Variants in CNTN4 observed in about 807,000 individuals in gnomAD.
The protein encoded by CNTN4 is contactin-4.
Under a neutral mutation model 122.5 loss-of-function variants are expected in CNTN4, and 77 were observed. The ratio of observed to expected loss-of-function variants is 0.63; its 90% CI spans 0.52 to 0.76. The LOEUF (loss-of-function observed/expected upper bound fraction) is 0.76, where lower values mean the gene tolerates loss of function less well. Ranked by LOEUF, CNTN4 falls within the 30% of genes least tolerant of loss-of-function variation. CNTN4 has a pLI of 0.00. For synonymous variants in CNTN4, 512 were observed against 447.0 expected, an observed-to-expected ratio of 1.15 and a Z score of -1.83; for missense variants, 1,256 against 1,259.1, an observed-to-expected ratio of 1.00 and a Z score of 0.04.
chr3:2,435,622 C>G (rs994365068), intron 3 of CNTN4, among the ~76,000 whole-genome samples: 3 of 152,142 alleles, frequency 2.0e-5, no homozygotes, highest in Admixed American at 6.6e-5. Context: ...TTTAGTTACT[C>G]ATCTTCTTAG....
At chr3:2,195,876 A>G (rs1023063914) in intron 2 of CNTN4, among the ~76,000 whole-genome samples, 2 of 152,206 alleles carry the variant, frequency 1.3e-5, no homozygotes, top group Admixed American at 1.3e-4. Flanking sequence ...ATGGAATTAC[A>G]TTCTTGGCAG....
At chr3:2,513,452 T>G (rs1381315105) in intron 3 of CNTN4, among the ~76,000 whole-genome samples, 1 of 152,184 alleles carries the variant, frequency 6.6e-6, no homozygotes, top group Non-Finnish European at 1.5e-5. Flanking sequence ...ATGCTTAATT[T>G]GTATCTACTT....
chr3:2,673,536 T>A (rs1026553638), intron 4 of CNTN4, among the ~76,000 whole-genome samples: 36 of 152,050 alleles, frequency 2.4e-4, no homozygotes, highest in African/African-American at 8.4e-4. Flanking sequence ...TGAGGCTCAG[T>A]TTTTTGTTTT....
intron 3 of CNTN4, among the ~76,000 whole-genome samples, chr3:2,537,462 G>C (rs1179021402): frequency 6.6e-6 from 1 of 152,138 alleles, no homozygotes; most frequent in African/African-American, 2.4e-5. Flanking sequence ...TGTCTTTTAA[G>C]TGTTAGGTGT....
intron 5 of CNTN4, 65 bp downstream of exon 5, chr3:2,736,406 T>G: frequency 7.6e-7 from 1 of 1,311,972 alleles, no homozygotes; most frequent in Non-Finnish European, 1.1e-6. Context: ...CAACAAATAC[T>G]TATACAATGC....
intron 7 of CNTN4, among the ~76,000 whole-genome samples, chr3:2,834,776 ATACAAAATACCTAGAC>A: frequency 6.6e-6 from 1 of 152,256 alleles, no homozygotes; most frequent in East Asian, 1.9e-4. Context: ...AAATGCAATG[ATACAAAATACCTAGAC>A]TACCAACAAA....
intron 3 of CNTN4, among the ~76,000 whole-genome samples, chr3:2,520,290 T>TTTTTTTTG (rs2077164752): frequency 8.4e-6 from 1 of 118,830 alleles, no homozygotes; most frequent in African/African-American, 3.0e-5. Context: ...TTTTTTTTTT[T>TTTTTTTTG]GAGATTGAGT....
intron 6 of CNTN4, among the ~76,000 whole-genome samples, chr3:2,761,371 G>A (rs4234550): frequency 0.44 from 67,187 of 151,744 alleles, 16,255 homozygotes; most frequent in Non-Finnish European, 0.56. Flanking sequence ...GATAGTATTT[G>A]AGAATTATTT....
intron 3 of CNTN4, among the ~76,000 whole-genome samples, chr3:2,460,748 T>C (rs933724213): frequency 5.3e-5 from 8 of 152,344 alleles, no homozygotes; most frequent in Admixed American, 5.2e-4. Context: ...GATTAGTCTA[T>C]TAAATGTGAG....
At chr3:2,665,863 G>T (rs772373227) in intron 4 of CNTN4, among the ~76,000 whole-genome samples, 4 of 152,220 alleles carry the variant, frequency 2.6e-5, no homozygotes, top group African/African-American at 2.4e-5. Flanking sequence ...CCAACGTGGC[G>T]TGTGGTATCA....
At chr3:2,829,757 C>A (rs1408948422) in intron 7 of CNTN4, among the ~76,000 whole-genome samples, 1 of 152,134 alleles carries the variant, frequency 6.6e-6, no homozygotes, top group Non-Finnish European at 1.5e-5. Flanking sequence ...AAGTAACGAA[C>A]GTTTCCTGGT....
chr3:2,260,733 T>TTA (rs2040802294), intron 2 of CNTN4, among the ~76,000 whole-genome samples: 1 of 22,610 alleles, frequency 4.4e-5, no homozygotes, highest in Admixed American at 4.6e-4. Context: ...TATTTATTTA[T>TTA]TTTTTTTTTG....
rs1373605740 is a variant in CNTN4, at chr3:2,319,856, T to A, written c.-144-19322T>A. ...CTTTTTGGTGTATATAGAGACCCTG[T>A]AAAAGAGAATTAAACTTTTTCAAGT... is the stretch of plus-strand genomic sequence containing the variant. On this transcript the variant is annotated intron_variant, in intron 2 of 24. Coordinates refer to ENST00000418658, the MANE Select transcript of CNTN4 (RefSeq NM_175607.3). Among the ~76,000 whole-genome samples the A allele has an allele frequency of 4.6e-5, 7 of 152,188 alleles. No homozygotes were observed. In the East Asian group the frequency reaches 1.3e-3, roughly 29 times the overall value.
chr3:2,928,094 C>G (rs555975476), intron 13 of CNTN4, among the ~76,000 whole-genome samples: 171 of 152,368 alleles, frequency 1.1e-3, no homozygotes, highest in African/African-American at 3.8e-3. Context: ...TATGGAGACA[C>G]AGGTCAGGTG....
chr3:3,009,544 C>T (rs1696995115), intron 14 of CNTN4, among the ~76,000 whole-genome samples: 3 of 151,044 alleles, frequency 2.0e-5, no homozygotes, highest in South Asian at 2.1e-4. Context: ...CGCCATTCTC[C>T]TGCCTCAGCT....
chr3:2,959,130 G>A (rs890431974), intron 13 of CNTN4, among the ~76,000 whole-genome samples: 2 of 152,118 alleles, frequency 1.3e-5, no homozygotes, highest in African/African-American at 4.8e-5. Context: ...AGCACTTAAG[G>A]TTAGCTATAA....
intron 12 of CNTN4, among the ~76,000 whole-genome samples, chr3:2,904,099 G>A (rs7649562): frequency 0.4 from 60,869 of 152,084 alleles, 12,630 homozygotes; most frequent in East Asian, 0.62. Context: ...TATAAAAGAA[G>A]AGATGATAAT....
At chr3:2,788,747 G>A (rs2091916075) in intron 6 of CNTN4, among the ~76,000 whole-genome samples, 1 of 152,142 alleles carries the variant, frequency 6.6e-6, no homozygotes, top group Non-Finnish European at 1.5e-5. Flanking sequence ...CTCAATAGCT[G>A]AATAGCTTTT....
At chr3:2,586,887 G>A (rs1254027683) in intron 4 of CNTN4, among the ~76,000 whole-genome samples, 1 of 152,156 alleles carries the variant, frequency 6.6e-6, no homozygotes, top group African/African-American at 2.4e-5. Context: ...CCCTACAGTA[G>A]CAGTCATTAT....
Sources: allele counts gnomAD v4.1 joint callset (sites outside exome capture counted in the v4.1 genomes callset), GRCh38; gene constraint gnomAD v4.1.1; transcripts MANE v1.5; gene names NCBI Gene and HGNC (gene_info 2026-07-23, HGNC 2026-07-21).